Variants in FAM20C observed in about 807,000 individuals in gnomAD.
FAM20C encodes the protein FAM20C golgi associated secretory pathway kinase.
A neutral mutation model predicts 51.5 loss-of-function variants in FAM20C; 40 were observed. That is an observed-to-expected ratio of 0.78 (90% CI 0.60 to 1.01). The LOEUF is 1.01. FAM20C is among the 50% of genes least tolerant of loss of function. The pLI, the probability that FAM20C is intolerant of heterozygous loss-of-function variation, is 0.00. For missense variants in FAM20C, 861 were observed against 844.7 expected (o/e 1.02, Z -0.24); for synonymous variants, 406 against 380.6 (o/e 1.07, Z -0.78).
intron 2 of FAM20C, chr7:197,205 A>G (rs1035760617): frequency 6.0e-6 from 1 of 166,976 alleles, no homozygotes; most frequent in African/African-American, 2.4e-5. Context: ...TTCAGCCTCA[A>G]CGAGATCTGC....
At position 258,574 on chromosome 7, in the gene FAM20C, C is replaced by T. The variant is rs961874320; in HGVS notation, c.1446-72C>T. The T allele has an allele frequency of 1.4e-5, 21 of 1,478,034 alleles. No homozygotes were observed. In the South Asian group the frequency reaches 2.4e-4, roughly 17 times the overall value. The allele number at this position is 1,478,034 out of a possible 1,614,324, so 91.6% of individuals were successfully genotyped here. On this transcript the variant is annotated intron_variant, in intron 8 of 9. Transcript: ENST00000313766. ...GGTACAGGCAGGTGGACCCATGGCC[C>T]AGCTCCCAGCCCAGCAGCCTGTTAG...
chr7:222,081 A>G, intron 3 of FAM20C, among the ~76,000 whole-genome samples: 1 of 104,168 alleles, frequency 9.6e-6, no homozygotes. Context: ...GGGCTGCAGG[A>G]GCCGTTCTTA....
intron 3 of FAM20C, among the ~76,000 whole-genome samples, chr7:244,920 C>A (rs1417044114): frequency 3.9e-5 from 6 of 152,192 alleles, no homozygotes; most frequent in Admixed American, 3.3e-4. Context: ...TCCGGGAACA[C>A]GGAGAATTGT....
At chr7:237,691 G>A (rs1787888149) in intron 3 of FAM20C, among the ~76,000 whole-genome samples, 1 of 149,120 alleles carries the variant, frequency 6.7e-6, no homozygotes, top group African/African-American at 2.5e-5. Context: ...CCATGGGAGA[G>A]CTAATGGTGA....
chr7:205,705 G>A (rs927146657), intron 2 of FAM20C, among the ~76,000 whole-genome samples: 2 of 152,144 alleles, frequency 1.3e-5, no homozygotes, highest in East Asian at 3.9e-4. Context: ...GCCAGTACCA[G>A]CTCCTCCCTT....
chr7:257,492 G>A, intron 8 of FAM20C: 1 of 201,432 alleles, frequency 5.0e-6, no homozygotes. Flanking sequence ...GTCTTGGGCG[G>A]CGCTGTGAGA....
intron 3 of FAM20C, among the ~76,000 whole-genome samples, chr7:242,783 C>T (rs1447337496): frequency 4.6e-5 from 7 of 152,136 alleles, no homozygotes; most frequent in Non-Finnish European, 8.8e-5. Context: ...CAGAAGGTCA[C>T]GTCCATCACA....
chr7:258,229 T>TGGGCA (rs1276255529), intron 8 of FAM20C, among the ~76,000 whole-genome samples: 42 of 137,564 alleles, frequency 3.1e-4, no homozygotes, highest in African/African-American at 1.2e-3. Flanking sequence ...GTGCTGGAGA[T>TGGGCA]GGGTGGGGTG....
intron 3 of FAM20C, among the ~76,000 whole-genome samples, chr7:216,748 ACTGT>A (rs1461936347): frequency 1.3e-5 from 2 of 151,570 alleles, no homozygotes; most frequent in South Asian, 2.1e-4. Flanking sequence ...TCCCAAAGAG[ACTGT>A]CTGCAAACAG....
chr7:195,487 C>G, intron 1 of FAM20C, 67 bp from the exon 2 acceptor site: 1 of 1,350,580 alleles, frequency 7.4e-7, no homozygotes, highest in Non-Finnish European at 9.6e-7. Flanking sequence ...TCGGTGCCCT[C>G]TCCCCGTCAT....
rs554560987 is a variant in FAM20C, at chr7:213,577, G to A, written c.863+4601G>A. Among the ~76,000 whole-genome samples, 22 of 152,350 alleles carry A rather than the reference G, an allele frequency of 1.4e-4. No homozygotes were observed. In the South Asian group the frequency reaches 4.6e-3, roughly 32 times the overall value. ...TGTTCATTCTTTCCTCTGTTGACGGGCATTTGAGTTGTTTCCGCTTTTGAC... is the reference window on the plus strand; with the variant it reads ...TGTTCATTCTTTCCTCTGTTGACGGACATTTGAGTTGTTTCCGCTTTTGAC... On this transcript the variant is annotated intron_variant, in intron 3 of 9. Coordinates refer to ENST00000313766, the MANE Select transcript of FAM20C (RefSeq NM_020223.4).
intron 3 of FAM20C, among the ~76,000 whole-genome samples, chr7:220,590 C>G (rs1277971048): frequency 5.3e-5 from 8 of 152,140 alleles, no homozygotes; most frequent in Non-Finnish European, 8.8e-5. Context: ...TAGGCACCGC[C>G]TGGGGAAGTC....
intron 3 of FAM20C, among the ~76,000 whole-genome samples, chr7:212,614 G>T (rs112800979): frequency 6.6e-6 from 1 of 151,962 alleles, no homozygotes; most frequent in African/African-American, 2.4e-5. Flanking sequence ...AGGGGCCGGC[G>T]GTGAGGTGGG....
chr7:217,843 G>T (rs545625376), intron 3 of FAM20C, among the ~76,000 whole-genome samples: 1 of 152,174 alleles, frequency 6.6e-6, no homozygotes, highest in Non-Finnish European at 1.5e-5. Context: ...GGGGCTGGCC[G>T]TAACGGCCAC....
rs1322418265 is a variant in FAM20C, at chr7:255,902, G to A, written c.1126G>A (p.Ala376Thr). The change falls in exon 6 of 10, where the codon GCC becomes ACC. Residue 376 changes from alanine to threonine, a missense_variant. Ala to Thr is a moderately conservative substitution (Grantham distance 58, BLOSUM62 0). Coordinates refer to ENST00000313766, the MANE Select transcript of FAM20C (RefSeq NM_020223.4). ...ECSYYCSTEH[A>T]LCGKPDQIEG... ...TTCCTACTACTGCTCCACGGAGCAC[G>A]CCCTGTGCGGGAAGCCAGACCAGAT... The A allele has an allele frequency of 6.5e-6, 10 of 1,536,446 alleles. No individual in the cohort carries two copies. The highest frequency in any genetic ancestry group is 4.9e-5 in the East Asian group (2 of 40,906).
In FAM20C at chr7:256,753, C is replaced by G. The variant is rs757324719; in HGVS notation, c.1353C>G (p.Asp451Glu). ...ACGTCATGGACATGACGATCTTCGA[C>G]TTCCTCATGGGTACGTCCCGCAGGG... ...ILDVMDMTIFDFLMGNMDRHH... is the reference protein window; with the variant it reads ...ILDVMDMTIFEFLMGNMDRHH... Residue 451 changes from aspartate (D) to glutamate (E), a missense_variant, in exon 7 of 10, where the codon GAC becomes GAG. By Grantham distance (45) the Asp-to-Glu change is conservative (BLOSUM62 2). Coordinates refer to ENST00000313766, the MANE Select transcript of FAM20C (RefSeq NM_020223.4). 6.5e-7 allele frequency: 1 copy of G among 1,536,146 alleles called. No individual in the cohort carries two copies.
chr7:230,099 G>A (rs748101131), intron 3 of FAM20C, among the ~76,000 whole-genome samples: 1 of 152,104 alleles, frequency 6.6e-6, no homozygotes, highest in South Asian at 2.1e-4. Context: ...TTGGAAAAGC[G>A]GTCTTTGGAG....
chr7:256,444 C>G (rs1788592457), intron 6 of FAM20C: 1 of 593,032 alleles, frequency 1.7e-6, no homozygotes, highest in Non-Finnish European at 3.0e-6. Context: ...AAGGCAGCTC[C>G]AGGTGGGGTC....
intron 5 of FAM20C, among the ~76,000 whole-genome samples, chr7:250,629 C>T (rs755205141): frequency 1.6e-4 from 24 of 152,192 alleles, no homozygotes; most frequent in Non-Finnish European, 2.1e-4. Flanking sequence ...TTCCTAAGCA[C>T]GCCTGAGCTC....
Sources: allele counts gnomAD v4.1 joint callset (sites outside exome capture counted in the v4.1 genomes callset), GRCh38; gene constraint gnomAD v4.1.1; transcripts MANE v1.5; gene names NCBI Gene and HGNC (gene_info 2026-07-23, HGNC 2026-07-21).